LUZP2: variants seen among roughly 807,000 people sequenced by gnomAD.
The protein encoded by LUZP2 is leucine zipper protein 2.
Under a neutral mutation model 51.6 loss-of-function variants are expected in LUZP2, and 52 were observed. The ratio of observed to expected loss-of-function variants is 1.01; its 90% CI spans 0.81 to 1.27. The LOEUF (loss-of-function observed/expected upper bound fraction) is 1.27, where lower values mean the gene tolerates loss of function less well. LUZP2 is among the 50% of genes most tolerant of loss of function. The pLI is 0.00. For missense variants in LUZP2, 436 were observed against 395.4 expected, an observed-to-expected ratio of 1.10 and a Z score of -0.87; for synonymous variants, 154 against 137.3, an observed-to-expected ratio of 1.12 and a Z score of -0.85.
rs115035558 is a variant in LUZP2 at position 24,527,269 on chromosome 11, G to A, written c.62+29964G>A. Among the ~76,000 whole-genome samples the A allele has an allele frequency of 5.3e-3, 803 of 151,310 alleles. 10 individuals carry two copies. Among genetic ancestry groups the A allele is most frequent in the African/African-American group, 0.018 (739 of 41,436 alleles). On this transcript the variant is annotated intron_variant, in intron 1 of 11. Transcript: ENST00000336930. ...GATATACTTTGATGAAAAAGAACAG[G>A]CAATAGTGGGAACTTTTCTGATTAT... is the stretch of plus-strand genomic sequence containing the variant.
chr11:24,511,763 C>T (rs1303746054), intron 1 of LUZP2, among the ~76,000 whole-genome samples: 1 of 152,066 alleles, frequency 6.6e-6, no homozygotes, highest in Non-Finnish European at 1.5e-5. Context: ...TAATTCATAC[C>T]TTTTGCTTTG....
chr11:24,628,168 G>A (rs1443655942), intron 1 of LUZP2, among the ~76,000 whole-genome samples: 1 of 150,846 alleles, frequency 6.6e-6, no homozygotes, highest in East Asian at 1.9e-4. Context: ...GTAAAATTAT[G>A]ACTCACACAC....
Position 24,993,762 on chromosome 11 carries a change from T to TG in LUZP2, c.765+10474dup, listed in dbSNP as rs1344066482. ...TTTGTGCAAATATTTTCTTCCATTCTGGGGGTTGTATTTTCACTTTATTGA... is the reference window on the plus strand; with the variant it reads ...TTTGTGCAAATATTTTCTTCCATTCTGGGGGGTTGTATTTTCACTTTATTGA... On this transcript the variant is annotated intron_variant, in intron 9 of 11. Transcript: ENST00000336930. Among the ~76,000 whole-genome samples the TG allele has an allele frequency of 2.0e-5, 3 of 152,242 alleles. No individual in the cohort carries two copies. In the South Asian group the frequency reaches 6.2e-4, roughly 32 times the overall value.
Position 24,976,675 on chromosome 11 carries a change from C to T in LUZP2, c.597+10C>T, listed in dbSNP as rs766016845. 14 of 1,037,490 alleles carry T rather than the reference C, an allele frequency of 1.3e-5. No individual in the cohort carries two copies. The Admixed American group carries it at 2.1e-4, about 15-fold the overall frequency. 64.3% of individuals were successfully genotyped at this position (1,037,490 alleles called of 1,614,324 possible). A position where few individuals can be genotyped will look rare whatever the true frequency, so the allele number is the denominator to read the frequency against. ...AGCAGCTCTTGACAGGGTAAGTCTA[C>T]ATTCATGAACCATTACAACTGTAGT... On this transcript the variant is annotated intron_variant, in intron 8 of 11. Coordinates refer to ENST00000336930, the MANE Select transcript of LUZP2 (RefSeq NM_001009909.4).
Position 24,611,812 on chromosome 11 carries a change from C to T in LUZP2, c.62+114507C>T, listed in dbSNP as rs960522334. Among the ~76,000 whole-genome samples the T allele has an allele frequency of 2.0e-5, 3 of 152,066 alleles. No individual in the cohort carries two copies. Among genetic ancestry groups the T allele is most frequent in the East Asian group, 1.9e-4 (1 of 5,182 alleles). ...GAAAAGGGATACAAAGAGACATAAC[C>T]GTAATTTATATAAACTGACTCTCAC... On this transcript the variant is annotated intron_variant, in intron 1 of 11. Transcript: ENST00000336930. The surrounding 1 kb of genome is among the most constrained non-coding windows in gnomAD (Gnocchi z 4.6).
chr11:24,681,194 G>C (rs1366296954), intron 1 of LUZP2, among the ~76,000 whole-genome samples: 2 of 151,706 alleles, frequency 1.3e-5, no homozygotes, highest in Non-Finnish European at 1.5e-5. Context: ...TGTTAGCCAG[G>C]ATGGTCTCGA....
intron 5 of LUZP2, among the ~76,000 whole-genome samples, chr11:24,767,554 T>C (rs1014373068): frequency 1.1e-4 from 16 of 152,216 alleles, no homozygotes; most frequent in African/African-American, 3.9e-4. Context: ...GTTTCTTCTG[T>C]GTGTTTAAGC....
chr11:24,878,771 G>T (rs920073957), intron 5 of LUZP2, among the ~76,000 whole-genome samples: 2 of 151,002 alleles, frequency 1.3e-5, no homozygotes, highest in African/African-American at 4.9e-5. Context: ...CCCTCCTTTT[G>T]CCCCCCACAC....
At chr11:24,664,831 T>A (rs537693507) in intron 1 of LUZP2, among the ~76,000 whole-genome samples, 114 of 152,234 alleles carry the variant, frequency 7.5e-4, no homozygotes, top group African/African-American at 2.5e-3. Context: ...TGCCTGGATG[T>A]CCAGGCAGGA....
At chr11:24,667,080 C>T (rs1289896879) in intron 1 of LUZP2, among the ~76,000 whole-genome samples, 3 of 151,948 alleles carry the variant, frequency 2.0e-5, no homozygotes, top group Non-Finnish European at 4.4e-5. Flanking sequence ...GTGATATATA[C>T]ATATTAAGCA....
chr11:25,062,890 CG>C (rs1369992544), intron 10 of LUZP2, among the ~76,000 whole-genome samples: 1 of 151,200 alleles, frequency 6.6e-6, no homozygotes, highest in Non-Finnish European at 1.5e-5. Context: ...TTAGTTAATC[CG>C]CATATTTTTG....
At chr11:25,066,872 C>T (rs1424675296) in intron 10 of LUZP2, among the ~76,000 whole-genome samples, 2 of 151,932 alleles carry the variant, frequency 1.3e-5, no homozygotes, top group East Asian at 3.9e-4. Context: ...AGCTTACCCA[C>T]AAAAGGTTGT....
chr11:25,075,554 T>C (rs1859276384), intron 10 of LUZP2, among the ~76,000 whole-genome samples: 1 of 152,162 alleles, frequency 6.6e-6, no homozygotes, highest in Admixed American at 6.5e-5. Flanking sequence ...TCACAATATA[T>C]TGGGGAGGCA....
chr11:24,973,847 T>C (rs749997326), intron 7 of LUZP2, among the ~76,000 whole-genome samples: 4 of 151,730 alleles, frequency 2.6e-5, no homozygotes, highest in Non-Finnish European at 5.9e-5. Context: ...AGTGTTTTAC[T>C]TCCTCTTATG....
At chr11:25,053,195 G>A (rs1296152964) in intron 10 of LUZP2, among the ~76,000 whole-genome samples, 2 of 152,066 alleles carry the variant, frequency 1.3e-5, no homozygotes, top group Non-Finnish European at 2.9e-5. Flanking sequence ...GTATAAAGAT[G>A]AAGTGTAACA....
intron 1 of LUZP2, among the ~76,000 whole-genome samples, chr11:24,502,449 A>G (rs115436644): frequency 0.065 from 9,712 of 150,078 alleles, 332 homozygotes; most frequent in Middle Eastern, 0.1. Context: ...TAGTGGTGCC[A>G]TCTCGGCTCC....
chr11:24,798,260 C>G (rs886543680), intron 5 of LUZP2, among the ~76,000 whole-genome samples: 4 of 151,322 alleles, frequency 2.6e-5, no homozygotes, highest in African/African-American at 9.7e-5. Context: ...CTCTTTTGCC[C>G]GGGTTGGAGT....
chr11:24,512,183 G>A (rs1195912449), intron 1 of LUZP2, among the ~76,000 whole-genome samples: 1 of 152,222 alleles, frequency 6.6e-6, no homozygotes, highest in Non-Finnish European at 1.5e-5. Context: ...AGGAAAAGGT[G>A]AAGGTGCTGA....
intron 5 of LUZP2, among the ~76,000 whole-genome samples, chr11:24,845,129 T>C (rs535862555): frequency 1.3e-4 from 20 of 152,228 alleles, no homozygotes; most frequent in Non-Finnish European, 2.4e-4. Flanking sequence ...AGACACTCAA[T>C]GCCAGCCGGT....
Sources: allele counts gnomAD v4.1 joint callset (sites outside exome capture counted in the v4.1 genomes callset), GRCh38; gene constraint gnomAD v4.1.1; non-coding constraint Gnocchi (gnomAD v3.1); transcripts MANE v1.5; gene names NCBI Gene and HGNC (gene_info 2026-07-23, HGNC 2026-07-21).